The following PLAC1 variants were observed in gnomAD, a reference collection of about 807,000 sequenced individuals.
PLAC1 encodes placenta-specific protein 1.
For synonymous variants in PLAC1, 68 were observed against 62.1 expected (o/e 1.09, Z -0.44); for missense variants, 136 against 163.2 (o/e 0.83, Z 0.91).
chrX:134,720,434 G>A (rs1367246540), intron 2 of PLAC1, among the ~76,000 whole-genome samples: 1 of 109,173 alleles, frequency 9.2e-6, no homozygotes, highest in African/African-American at 3.3e-5. Flanking sequence ...TACGGATTCA[G>A]TGTAATCTCT....
rs1047454090 is a variant in PLAC1, at chrX:134,603,472, G to A, written c.-130-1350C>T. On this transcript the variant is annotated intron_variant, in intron 1 of 2. Coordinates refer to ENST00000359237, the MANE Select transcript of PLAC1 (RefSeq NM_021796.4). ...CCTGCCTCAGCCTCCCGAGTAGCTGGGACTACAGGTGCCCGCCACCACGCC... is the reference window on the plus strand; with the variant it reads ...CCTGCCTCAGCCTCCCGAGTAGCTGAGACTACAGGTGCCCGCCACCACGCC... Among the ~76,000 whole-genome samples, 70 of 99,688 alleles carry A rather than the reference G, an allele frequency of 7.0e-4. No homozygotes were observed. The Middle Eastern group carries it at 0.015, about 21-fold the overall frequency. 86.6% of individuals were successfully genotyped at this position (99,688 alleles called of 115,157 possible). A position where few individuals can be genotyped will look rare whatever the true frequency, so the allele number is the denominator to read the frequency against.
chrX:134,631,726 G>C (rs2078263269), intron 1 of PLAC1, among the ~76,000 whole-genome samples: 1 of 111,626 alleles, frequency 9.0e-6, no homozygotes, highest in African/African-American at 3.3e-5. Flanking sequence ...GCTGGGCTCT[G>C]GACTCAGCAG....
chrX:134,637,411 T>G (rs949485866), intron 1 of PLAC1, among the ~76,000 whole-genome samples: 7 of 112,073 alleles, frequency 6.2e-5, no homozygotes, highest in Non-Finnish European at 1.3e-4. Flanking sequence ...CTGTTGTCCA[T>G]TAACCATACT....
At chrX:134,577,463 C>T (rs1442919648) in intron 2 of PLAC1, among the ~76,000 whole-genome samples, 2 of 111,315 alleles carry the variant, frequency 1.8e-5, no homozygotes, top group Admixed American at 9.6e-5. Flanking sequence ...CCAAGGCGGG[C>T]GTATCACCTA....
chrX:134,745,083 C>G (rs1278011733), intron 1 of PLAC1, among the ~76,000 whole-genome samples: 1 of 111,310 alleles, frequency 9.0e-6, no homozygotes, highest in Non-Finnish European at 1.9e-5. Flanking sequence ...GCTTCAGGGC[C>G]AACATAATTC....
chrX:134,735,159 GGGGCTCA>G (rs775888143), intron 1 of PLAC1, among the ~76,000 whole-genome samples: 41 of 111,747 alleles, frequency 3.7e-4, no homozygotes, highest in African/African-American at 1.1e-3. Flanking sequence ...GTAGGAAGCA[GGGGCTCA>G]GGAACCTGCC....
chrX:134,741,340 G>A (rs1036759810), intron 1 of PLAC1, among the ~76,000 whole-genome samples: 9 of 112,030 alleles, frequency 8.0e-5, no homozygotes, highest in Middle Eastern at 9.2e-3. Flanking sequence ...ACTGTAGTAC[G>A]GTGAGGAGAA....
chrX:134,577,905 T>C (rs2077949040), intron 2 of PLAC1, among the ~76,000 whole-genome samples: 1 of 109,941 alleles, frequency 9.1e-6, no homozygotes, highest in Non-Finnish European at 1.9e-5. Context: ...TTGAAAGTCT[T>C]ACAATGTCAT....
rs1277938466 is a variant in PLAC1 at position 134,748,209 on chromosome X, A to C, written n.90-14690T>G. 1.8e-5 allele frequency among the ~76,000 whole-genome samples: 2 copies of C among 110,236 alleles called. 1 individual carries two copies. The highest frequency in any genetic ancestry group is 6.6e-5 in the African/African-American group (2 of 30,169). Reference sequence around the variant, plus strand: ...GCCGGGCATGGTGGCAGGCGCCTGTAATCTCGGCTACTCAGGAGGCTGAGA... The same window carrying C: ...GCCGGGCATGGTGGCAGGCGCCTGTCATCTCGGCTACTCAGGAGGCTGAGA... On this transcript the variant is annotated intron_variant and non_coding_transcript_variant, in intron 1 of 2. Transcript: ENST00000466797.
intron 1 of PLAC1, among the ~76,000 whole-genome samples, chrX:134,739,923 G>T (rs1188189169): frequency 8.0e-5 from 9 of 112,110 alleles, no homozygotes; most frequent in Admixed American, 9.4e-5. Context: ...ATGCACATTT[G>T]CCCCAAGACA....
chrX:134,641,350 C>T (rs1294941922), intron 1 of PLAC1, among the ~76,000 whole-genome samples: 1 of 112,560 alleles, frequency 8.9e-6, no homozygotes, highest in Non-Finnish European at 1.9e-5. Flanking sequence ...CACCATGAGC[C>T]TGCATGGTTC....
At chrX:134,588,805 G>A (rs757015998) in intron 2 of PLAC1, among the ~76,000 whole-genome samples, 39 of 111,117 alleles carry the variant, frequency 3.5e-4, no homozygotes, top group Non-Finnish European at 6.8e-4. Flanking sequence ...CAGGGCATCC[G>A]ATCAAGGGAG....
At chrX:134,602,229 T>C (rs891058463) in intron 1 of PLAC1, 107 bp from the exon 2 acceptor site, 1 of 112,208 alleles carries the variant, frequency 8.9e-6, no homozygotes, top group Non-Finnish European at 1.9e-5. Flanking sequence ...AGAAAGTACA[T>C]GCGTATCTTC....
chrX:134,577,264 C>A (rs376506352), intron 2 of PLAC1, among the ~76,000 whole-genome samples: 48 of 111,775 alleles, frequency 4.3e-4, no homozygotes, highest in African/African-American at 1.5e-3. Context: ...AAAAGTTGTC[C>A]AAAAATGGAT....
chrX:134,705,019 T>TATAC (rs2078598961), intron 2 of PLAC1, among the ~76,000 whole-genome samples: 2 of 95,911 alleles, frequency 2.1e-5, no homozygotes, highest in Non-Finnish European at 3.9e-5. Flanking sequence ...TATATATATA[T>TATAC]ATACACACAC....
chrX:134,705,390 C>G (rs1251223772), intron 2 of PLAC1, among the ~76,000 whole-genome samples: 1 of 98,367 alleles, frequency 1.0e-5, no homozygotes, highest in Non-Finnish European at 2.0e-5. Flanking sequence ...TGGATTCCAG[C>G]CTGGTGACAG....
chrX:134,612,300 T>C (rs918090960), intron 1 of PLAC1, among the ~76,000 whole-genome samples: 1 of 111,930 alleles, frequency 8.9e-6, no homozygotes, highest in African/African-American at 3.3e-5. Flanking sequence ...AGGACAACAA[T>C]AGTACCTCAC....
At chrX:134,732,908 A>G (rs2078692914) in intron 2 of PLAC1, among the ~76,000 whole-genome samples, 1 of 111,803 alleles carries the variant, frequency 8.9e-6, no homozygotes, top group African/African-American at 3.3e-5. Flanking sequence ...CTTGGAGTAA[A>G]AGACGTTCCC....
intron 1 of PLAC1, among the ~76,000 whole-genome samples, chrX:134,603,478 C>A (rs1291563675): frequency 9.9e-6 from 1 of 100,689 alleles, no homozygotes; most frequent in African/African-American, 3.6e-5. Context: ...GCTGGGACTA[C>A]AGGTGCCCGC....
Sources: gnomAD v4.1 joint callset for allele counts (sites outside exome capture counted in the v4.1 genomes callset) on GRCh38, gnomAD v4.1.1 for gene constraint, MANE v1.5 for transcripts, NCBI Gene and HGNC (gene_info 2026-07-23, HGNC 2026-07-21) for gene names.